The following CD274 variants were observed in gnomAD, a reference collection of about 807,000 sequenced individuals.
CD274 encodes programmed cell death 1 ligand 1.
Under a neutral mutation model 30.1 loss-of-function variants are expected in CD274, and 8 were observed. The ratio of observed to expected loss-of-function variants is 0.27; its 90% confidence interval spans 0.16 to 0.48. The LOEUF is 0.48. Among genes scored for constraint, CD274 ranks in the 20% least tolerant of loss-of-function variants. The pLI, the probability that CD274 is intolerant of heterozygous loss-of-function variation, is 0.99. For missense variants in CD274, 353 were observed against 346.6 expected (o/e 1.02, Z -0.15); for synonymous variants, 152 against 124.6 (o/e 1.22, Z -1.46).
intron 1 of CD274, among the ~76,000 whole-genome samples, chr9:5,452,810 A>G (rs1157602788): frequency 6.6e-6 from 1 of 152,240 alleles, no homozygotes; most frequent in Non-Finnish European, 1.5e-5. Flanking sequence ...AGTAGGCCAT[A>G]AACATTGGCA....
intron 4 of CD274, among the ~76,000 whole-genome samples, chr9:5,464,339 T>C (rs1342790359): frequency 1.3e-5 from 2 of 152,182 alleles, no homozygotes; most frequent in Non-Finnish European, 2.9e-5. Context: ...ATACCTGGCA[T>C]GCCTAACTCA....
intron 3 of CD274, among the ~76,000 whole-genome samples, chr9:5,459,013 A>G (rs1819356425): frequency 6.6e-6 from 1 of 152,200 alleles, no homozygotes; most frequent in Non-Finnish European, 1.5e-5. Flanking sequence ...AAGGTCTCTC[A>G]TCAGCCTGTA....
At chr9:5,460,907 G>C (rs1162753794) in intron 3 of CD274, among the ~76,000 whole-genome samples, 2 of 152,102 alleles carry the variant, frequency 1.3e-5, no homozygotes, top group Non-Finnish European at 2.9e-5. Context: ...ATAAGAAACT[G>C]CCGTTTTTGA....
At chr9:5,451,433 G>A (rs1276947246) in intron 1 of CD274, among the ~76,000 whole-genome samples, 2 of 152,198 alleles carry the variant, frequency 1.3e-5, no homozygotes, top group African/African-American at 4.8e-5. Flanking sequence ...CTGGAATATT[G>A]CTGATTGTTT....
intron 3 of CD274, among the ~76,000 whole-genome samples, chr9:5,461,221 G>C (rs768895725): frequency 6.6e-5 from 10 of 152,106 alleles, no homozygotes; most frequent in Non-Finnish European, 1.3e-4. Flanking sequence ...CCGATAAAAA[G>C]TGTCACTTCT....
chr9:5,463,018 G>T lies in CD274; in HGVS notation c.579G>T (p.Val193=). The change falls in exon 4 of 7, where the codon GTG becomes GTT. Residue 193 remains valine, a synonymous_variant. Transcript: ENST00000381577. ...NSKREEKLFN[V]TSTLRINTTT... ...AGAGAGAGGAGAAGCTTTTCAATGT[G>T]ACCAGCACACTGAGAATCAACACAA... The T allele has an allele frequency of 6.2e-7, 1 of 1,613,930 alleles. No homozygotes were observed. Among genetic ancestry groups the T allele is most frequent in the South Asian group, 1.1e-5 (1 of 91,062 alleles).
At chr9:5,466,943 T>G in intron 6 of CD274, 114 bp downstream of exon 6, 13 of 751,506 alleles carry the variant, frequency 1.7e-5, no homozygotes, top group Non-Finnish European at 2.8e-5. Flanking sequence ...GAATGCTGGT[T>G]CCCCTTTGCC....
intron 4 of CD274, 173 bp downstream of exon 4, chr9:5,463,294 T>G: frequency 1.6e-6 from 1 of 612,498 alleles, no homozygotes; most frequent in Non-Finnish European, 2.9e-6. Flanking sequence ...AACCATATTG[T>G]TACTTAATAA....
chr9:5,470,178 A>G lies in CD274; in HGVS notation c.*2316A>G, dbSNP rs1167417326. On this transcript the variant is annotated 3_prime_UTR_variant, in exon 7 of 7. Transcript: ENST00000381577. ...GCTTTGCCACATGTCAAGGCTGAAG[A>G]AACAGTGTCTCCAACAGAGCTCCTT... The G allele has an allele frequency of 8.6e-6, 2 of 232,954 alleles. No individual in the cohort carries two copies. Among genetic ancestry groups the G allele is most frequent in the African/African-American group, 2.2e-5 (1 of 45,324 alleles). 14.4% of individuals were successfully genotyped at this position (232,954 alleles called of 1,614,324 possible).
At chr9:5,467,213 AG>A (rs1819512149) in intron 6 of CD274, among the ~76,000 whole-genome samples, 3 of 151,938 alleles carry the variant, frequency 2.0e-5, no homozygotes, top group Non-Finnish European at 2.9e-5. Flanking sequence ...AGAGAGAGAG[AG>A]AGAGAGAGAG....
At chr9:5,457,988 A>C (rs1024116232) in intron 3 of CD274, among the ~76,000 whole-genome samples, 1 of 152,262 alleles carries the variant, frequency 6.6e-6, no homozygotes, top group Non-Finnish European at 1.5e-5. Flanking sequence ...CTATGAAGAC[A>C]AAAAATAATC....
intron 1 of CD274, among the ~76,000 whole-genome samples, chr9:5,453,553 C>G (rs1819245531): frequency 6.6e-6 from 1 of 152,120 alleles, no homozygotes; most frequent in Admixed American, 6.5e-5. Context: ...TGGCAACAAT[C>G]TGATACCTAA....
At chr9:5,453,667 G>A (rs961270541) in intron 1 of CD274, among the ~76,000 whole-genome samples, 1 of 152,120 alleles carries the variant, frequency 6.6e-6, no homozygotes, top group East Asian at 1.9e-4. Flanking sequence ...GAAACAAATG[G>A]GTATTAAATG....
intron 4 of CD274, 198 bp downstream of exon 4, chr9:5,463,319 T>C: frequency 1.7e-6 from 1 of 587,720 alleles, no homozygotes; most frequent in South Asian, 2.0e-5. Flanking sequence ...TCAGCAGATA[T>C]TTATGGAATA....
intron 1 of CD274, 150 bp downstream of exon 1, chr9:5,450,746 G>C (rs1400875121): frequency 6.6e-6 from 1 of 152,338 alleles, no homozygotes; most frequent in Non-Finnish European, 1.5e-5. Flanking sequence ...GGGCAGTAGA[G>C]CCAATTACCT....
intron 5 of CD274, 78 bp from the exon 6 acceptor site, chr9:5,466,692 T>C (rs2131232523): frequency 9.3e-7 from 1 of 1,071,714 alleles, no homozygotes; most frequent in Non-Finnish European, 1.4e-6. Flanking sequence ...TTCACAGAAC[T>C]TGAAATTTAA....
Position 5,462,907 on chromosome 9 carries a change from G to A in CD274, c.468G>A (p.Gln156=), listed in dbSNP as rs2131223292. The A allele has an allele frequency of 1.2e-6, 2 of 1,614,012 alleles. No homozygotes were observed. The highest frequency in any genetic ancestry group is 1.7e-6 in the Non-Finnish European group (2 of 1,179,924). The change falls in exon 4 of 7, where the codon CAG becomes CAA. Residue 156 remains glutamine (Q), a synonymous_variant. Coordinates refer to ENST00000381577, the MANE Select transcript of CD274 (RefSeq NM_014143.4). The part of the protein sequence containing the change: ...PVTSEHELTC[Q]AEGYPKAEVI... ...CCTCTGAACATGAACTGACATGTCA[G>A]GCTGAGGGCTACCCCAAGGCCGAAG...
At chr9:5,455,432 G>A (rs1343890511) in intron 1 of CD274, among the ~76,000 whole-genome samples, 2 of 152,206 alleles carry the variant, frequency 1.3e-5, no homozygotes, top group East Asian at 1.9e-4. Context: ...CTCTGGAAGA[G>A]TGGCTGTGAG....
rs746654780 is a variant in CD274 at position 5,467,883 on chromosome 9, T to A, written c.*21T>A. The A allele has an allele frequency of 3.7e-6, 6 of 1,602,950 alleles. No homozygotes were observed. In the East Asian group the frequency reaches 1.3e-4, roughly 36 times the overall value. Reference sequence around the variant, plus strand: ...CGTAATCCAGCATTGGAACTTCTGATCTTCAAGCAGGGATTCTCAACCTGT... The same window carrying A: ...CGTAATCCAGCATTGGAACTTCTGAACTTCAAGCAGGGATTCTCAACCTGT... On this transcript the variant is annotated 3_prime_UTR_variant, in exon 7 of 7. Transcript: ENST00000381577.
Sources: gnomAD v4.1 joint callset for allele counts (sites outside exome capture counted in the v4.1 genomes callset) on GRCh38, gnomAD v4.1.1 for gene constraint, MANE v1.5 for transcripts, NCBI Gene and HGNC (gene_info 2026-07-23, HGNC 2026-07-21) for gene names.